TRHDE: variants seen among roughly 807,000 people sequenced by gnomAD.
TRHDE encodes thyrotropin-releasing hormone-degrading ectoenzyme.
A neutral mutation model predicts 125.7 loss-of-function variants in TRHDE; 72 were observed. The observed-to-expected ratio is 0.57, with a 90% CI of 0.47 to 0.70. The LOEUF is 0.70. Among genes scored for constraint, TRHDE ranks in the 30% least tolerant of loss-of-function variants. The pLI is 0.00. For missense variants in TRHDE, 1,110 were observed against 1,327.1 expected (o/e 0.84, Z 2.54); for synonymous variants, 509 against 509.1 (o/e 1.00, Z 0.00).
chr12:72,251,448 C>G (rs529164299), intron 2 of TRHDE, among the ~76,000 whole-genome samples: 1 of 139,870 alleles, frequency 7.1e-6, no homozygotes, highest in South Asian at 2.3e-4. Flanking sequence ...TCACTCAGCA[C>G]AATTACCTGG....
At chr12:72,418,812 A>G (rs2135823881) in intron 3 of TRHDE, among the ~76,000 whole-genome samples, 1 of 152,300 alleles carries the variant, frequency 6.6e-6, no homozygotes, top group African/African-American at 2.4e-5. Flanking sequence ...TGAGTCAGAG[A>G]TCAAGTTTAT....
chr12:72,550,610 C>T (rs1050643127), intron 7 of TRHDE, among the ~76,000 whole-genome samples: 2 of 151,754 alleles, frequency 1.3e-5, no homozygotes, highest in African/African-American at 2.4e-5. Flanking sequence ...AGTAATATGA[C>T]GTAGGGGTAC....
At chr12:72,230,459 T>TCATA (rs989266024) in intron 2 of TRHDE, among the ~76,000 whole-genome samples, 4 of 152,150 alleles carry the variant, frequency 2.6e-5, no homozygotes, top group African/African-American at 9.7e-5. Flanking sequence ...ATCAATCACA[T>TCATA]CATAGTCAAT....
chr12:72,491,497 C>T (rs1877682406), intron 5 of TRHDE, among the ~76,000 whole-genome samples: 1 of 151,918 alleles, frequency 6.6e-6, no homozygotes, highest in Non-Finnish European at 1.5e-5. Flanking sequence ...TCATTAAGTT[C>T]ATTTTGTGTT....
In TRHDE at chr12:72,667,817, T is replaced by C. The variant is rs1174480376; in HGVS notation, c.*4622T>C. The stretch of plus-strand genomic sequence containing the variant: ...TAAACTCTAATAATTGGAATATAAA[T>C]TGGGATGGAATTTATCCTTAAGAAA... On this transcript the variant is annotated 3_prime_UTR_variant, in exon 19 of 19. Coordinates refer to ENST00000261180, the MANE Select transcript of TRHDE (RefSeq NM_013381.3). 1 of 151,712 alleles carries C rather than the reference T, an allele frequency of 6.6e-6. No homozygotes were observed. Among genetic ancestry groups the C allele is most frequent in the Non-Finnish European group, 1.5e-5 (1 of 67,760 alleles). The allele number at this position is 151,712 out of a possible 1,614,324, so 9.4% of individuals were successfully genotyped here.
intron 1 of TRHDE, among the ~76,000 whole-genome samples, chr12:72,091,537 T>G (rs1874790213): frequency 6.6e-6 from 1 of 152,214 alleles, no homozygotes; most frequent in Non-Finnish European, 1.5e-5. Flanking sequence ...CATTTTATCC[T>G]TTTCTTCTGG....
At chr12:72,487,637 A>C (rs1279217787) in intron 5 of TRHDE, among the ~76,000 whole-genome samples, 1 of 152,192 alleles carries the variant, frequency 6.6e-6, no homozygotes, top group Non-Finnish European at 1.5e-5. Flanking sequence ...GAAATACTTA[A>C]AGAAGTTCTT....
rs188912541 is a variant in TRHDE at position 72,631,531 on chromosome 12, C to G, written c.2675+9780C>G. 2.6e-5 allele frequency among the ~76,000 whole-genome samples: 4 copies of G among 151,832 alleles called. No homozygotes were observed. The South Asian group carries it at 8.3e-4, about 32-fold the overall frequency. On this transcript the variant is annotated intron_variant, in intron 15 of 18. Coordinates refer to ENST00000261180, the MANE Select transcript of TRHDE (RefSeq NM_013381.3). Reference sequence around the variant, plus strand: ...TCATAATGCATTTCACTGCTTTTCACGTAAAAAGAAAACAGGAAGCTCAAA... The same window carrying G: ...TCATAATGCATTTCACTGCTTTTCAGGTAAAAAGAAAACAGGAAGCTCAAA...
At chr12:72,321,631 T>A (rs1869099190) in intron 2 of TRHDE, among the ~76,000 whole-genome samples, 1 of 152,156 alleles carries the variant, frequency 6.6e-6, no homozygotes, top group African/African-American at 2.4e-5. Flanking sequence ...TTTTCTCTAG[T>A]GAATATTCCT....
chr12:72,216,644 A>G (rs935884651), intron 2 of TRHDE, among the ~76,000 whole-genome samples: 2 of 152,208 alleles, frequency 1.3e-5, no homozygotes, highest in Non-Finnish European at 2.9e-5. Flanking sequence ...AACACGTTCT[A>G]GTAATAGTTT....
chr12:72,165,287 C>T (rs946010066), intron 2 of TRHDE, among the ~76,000 whole-genome samples: 5 of 152,154 alleles, frequency 3.3e-5, no homozygotes, highest in Non-Finnish European at 7.4e-5. Context: ...ACCAATGATC[C>T]TTGAAGATAG....
At chr12:72,185,905 C>T (rs1877197623) in intron 2 of TRHDE, among the ~76,000 whole-genome samples, 1 of 152,152 alleles carries the variant, frequency 6.6e-6, no homozygotes, top group Non-Finnish European at 1.5e-5. Context: ...CTTGGAGAAC[C>T]TGTGTGTGGA....
chr12:72,402,942 T>C (rs1016174288), intron 3 of TRHDE, among the ~76,000 whole-genome samples: 2 of 152,284 alleles, frequency 1.3e-5, no homozygotes, highest in Middle Eastern at 3.4e-3. Flanking sequence ...CTCACGAATC[T>C]CCCTTTGCTT....
intron 9 of TRHDE, among the ~76,000 whole-genome samples, chr12:72,564,699 G>T (rs889691833): frequency 1.0e-5 from 1 of 96,676 alleles, no homozygotes; most frequent in Admixed American, 1.6e-4. Flanking sequence ...ACGGAGTCTT[G>T]CTCTGTCTCC....
chr12:72,380,345 C>A (rs1872086042), intron 3 of TRHDE, among the ~76,000 whole-genome samples: 1 of 152,118 alleles, frequency 6.6e-6, no homozygotes, highest in Non-Finnish European at 1.5e-5. Context: ...TGTAGCATAT[C>A]AGATTGGAGA....
intron 12 of TRHDE, among the ~76,000 whole-genome samples, chr12:72,604,010 T>C (rs1170919736): frequency 1.3e-5 from 2 of 152,052 alleles, no homozygotes; most frequent in African/African-American, 4.8e-5. Context: ...CTAAAGGATA[T>C]GGTGAGTCTT....
intron 12 of TRHDE, among the ~76,000 whole-genome samples, chr12:72,584,145 G>A (rs4387391): frequency 0.13 from 20,030 of 151,918 alleles, 1,422 homozygotes; most frequent in Middle Eastern, 0.23. Context: ...TAACCTTCCA[G>A]TACCAAATTT....
In TRHDE at chr12:72,146,783, A is replaced by C. The variant is rs1006366804; in HGVS notation, n.279+41031A>C. On this transcript the variant is annotated intron_variant and non_coding_transcript_variant, in intron 2 of 4. Transcript: ENST00000548156. Reference sequence around the variant, plus strand: ...ACCCTCTGCCTTATTGCAAGGGCAGAGGGCCGGTATGACTGCCTTCTGTTT... The same window carrying C: ...ACCCTCTGCCTTATTGCAAGGGCAGCGGGCCGGTATGACTGCCTTCTGTTT... 1.3e-5 allele frequency among the ~76,000 whole-genome samples: 2 copies of C among 152,342 alleles called. 1 individual carries two copies. The highest frequency in any genetic ancestry group is 4.1e-4 in the South Asian group (2 of 4,832).
Position 72,518,427 on chromosome 12 carries a change from G to T in TRHDE, c.1722+18792G>T, listed in dbSNP as rs201967745. On this transcript the variant is annotated intron_variant, in intron 6 of 18. Transcript: ENST00000261180. ...GCGTTCTTTGTCTCTTTTGATCTTT[G>T]TTGGTTTAAAGTCTGTTTTATCAGA... Among the ~76,000 whole-genome samples, 294 of 151,744 alleles carry T rather than the reference G, an allele frequency of 1.9e-3. 7 individuals are homozygous for T. The East Asian group carries it at 0.052, about 27-fold the overall frequency.
Sources: allele counts gnomAD v4.1 joint callset (sites outside exome capture counted in the v4.1 genomes callset), GRCh38; gene constraint gnomAD v4.1.1; transcripts MANE v1.5; gene names NCBI Gene and HGNC (gene_info 2026-07-23, HGNC 2026-07-21).